Variants in BCR observed in about 807,000 individuals in gnomAD.
BCR encodes the protein breakpoint cluster region protein.
A neutral mutation model predicts 138.6 loss-of-function variants in BCR; 58 were observed. The observed-to-expected ratio is 0.42, with a 90% CI of 0.34 to 0.52. The LOEUF is 0.52. Among genes scored for constraint, BCR ranks in the 20% least tolerant of loss-of-function variants. The pLI, the probability that BCR is intolerant of heterozygous loss-of-function variation, is 0.06. For synonymous variants in BCR, 786 were observed against 730.1 expected (o/e 1.08, Z -1.23); for missense variants, 1,599 against 1,727.2 (o/e 0.93, Z 1.32).
At chr22:23,208,842 G>A (rs7284383) in intron 1 of BCR, among the ~76,000 whole-genome samples, 10,349 of 152,078 alleles carry the variant, frequency 0.068, 1,177 homozygotes, top group African/African-American at 0.23. Flanking sequence ...GCAACAGAGC[G>A]AGACTCCGTC....
Position 23,272,572 on chromosome 22 carries a change from G to A in BCR, c.1922-509G>A, listed in dbSNP as rs6003595. On this transcript the variant is annotated intron_variant, in intron 6 of 22. Coordinates refer to ENST00000305877, the MANE Select transcript of BCR (RefSeq NM_004327.4). Reference sequence around the variant, plus strand: ...GGGCTCATGTGCCTCTGGAGTCCGGGTGTCCTCGGGCAGGTCGCCAGAGAA... The same window carrying A: ...GGGCTCATGTGCCTCTGGAGTCCGGATGTCCTCGGGCAGGTCGCCAGAGAA... 3.8e-3 allele frequency among the ~76,000 whole-genome samples: 580 copies of A among 152,260 alleles called. 7 individuals carry two copies. Among genetic ancestry groups the A allele is most frequent in the African/African-American group, 0.012 (497 of 41,538 alleles).
intron 1 of BCR, among the ~76,000 whole-genome samples, chr22:23,249,307 CT>C (rs1399702505): frequency 6.6e-6 from 1 of 151,996 alleles, no homozygotes; most frequent in Non-Finnish European, 1.5e-5. Flanking sequence ...TGGCGCACGC[CT>C]GTAGTCCCAG....
Position 23,194,567 on chromosome 22 carries a change from C to T in BCR, c.1279+12328C>T, listed in dbSNP as rs1051227766. ...CTGGAACTGCAGGCGCCTGCCACAA[C>T]GCCCAGCTAATTTTTTTTGTATTTT... On this transcript the variant is annotated intron_variant, in intron 1 of 22. Coordinates refer to ENST00000305877, the MANE Select transcript of BCR (RefSeq NM_004327.4). 1.3e-4 allele frequency among the ~76,000 whole-genome samples: 20 copies of T among 152,154 alleles called. No homozygotes were observed. In the East Asian group the frequency reaches 2.3e-3, roughly 18 times the overall value.
At chr22:23,261,649 C>T (rs2073358098) in intron 4 of BCR, 109 bp downstream of exon 4, 158 of 1,212,032 alleles carry the variant, frequency 1.3e-4, no homozygotes, top group Non-Finnish European at 1.8e-4. Context: ...CCAGGCTGGT[C>T]TCAAACTCCT....
intron 4 of BCR, 75 bp from the exon 5 acceptor site, chr22:23,268,333 C>G (rs1323581353): frequency 8.0e-7 from 1 of 1,243,062 alleles, no homozygotes; most frequent in East Asian, 2.6e-5. Context: ...CAGAGCTGTG[C>G]ACGGGAGCCT....
chr22:23,290,438 G>T, intron 14 of BCR, 25 bp downstream of exon 14: 3 of 1,608,882 alleles, frequency 1.9e-6, no homozygotes, highest in Non-Finnish European at 1.7e-6. Context: ...GGGGAGGAGG[G>T]TTGCAGCGGC....
chr22:23,200,797 C>G (rs557789761), intron 1 of BCR, among the ~76,000 whole-genome samples: 2 of 152,152 alleles, frequency 1.3e-5, no homozygotes, highest in African/African-American at 4.8e-5. Flanking sequence ...TGGGCTCAAG[C>G]GATCCACCCG....
At chr22:23,284,976 A>G (rs186595247) in intron 9 of BCR, 57 bp from the exon 10 acceptor site, 3 of 1,564,974 alleles carry the variant, frequency 1.9e-6, no homozygotes, top group African/African-American at 1.3e-5. Context: ...GACAGCAGTG[A>G]CATCAGCCAT....
At position 23,210,389 on chromosome 22, in the gene BCR, C is replaced by G. The variant is rs183851443; in HGVS notation, c.1279+28150C>G. On this transcript the variant is annotated intron_variant, in intron 1 of 22. Coordinates refer to ENST00000305877, the MANE Select transcript of BCR (RefSeq NM_004327.4). ...CCACAATTGTGCCACTGTACTCCAG[C>G]CTGGGTGACAGAGTAAGACCCTGTC... Among the ~76,000 whole-genome samples, 5 of 150,804 alleles carry G rather than the reference C, an allele frequency of 3.3e-5. No individual in the cohort carries two copies. The East Asian group carries it at 9.7e-4, about 29-fold the overall frequency.
chr22:23,202,380 T>C (rs2072562869), intron 1 of BCR, among the ~76,000 whole-genome samples: 1 of 152,238 alleles, frequency 6.6e-6, no homozygotes, highest in East Asian at 1.9e-4. Context: ...ACATAAAATT[T>C]ACCATTTTTA....
chr22:23,218,957 A>G lies in BCR; in HGVS notation c.1280-34842A>G, dbSNP rs1211139334. ...TGCTCAGGGAGGAAGCGGTGTTTACAGAGCGGCCAGCTGGTGCCGGGTGAG... is the reference window on the plus strand; with the variant it reads ...TGCTCAGGGAGGAAGCGGTGTTTACGGAGCGGCCAGCTGGTGCCGGGTGAG... On this transcript the variant is annotated intron_variant, in intron 1 of 22. Coordinates refer to ENST00000305877, the MANE Select transcript of BCR (RefSeq NM_004327.4). Among the ~76,000 whole-genome samples the G allele has an allele frequency of 1.2e-3, 179 of 152,220 alleles. 1 individual carries two copies. Among genetic ancestry groups the G allele is most frequent in the Non-Finnish European group, 1.8e-4 (12 of 68,040 alleles).
chr22:23,211,364 AT>A (rs1380292385), intron 1 of BCR, among the ~76,000 whole-genome samples: 2 of 147,660 alleles, frequency 1.4e-5, no homozygotes, highest in East Asian at 2.0e-4. Context: ...CACCCAGCTA[AT>A]TTTTTTGTAT....
At chr22:23,195,813 G>A (rs149839072) in intron 1 of BCR, among the ~76,000 whole-genome samples, 3 of 152,208 alleles carry the variant, frequency 2.0e-5, no homozygotes, top group African/African-American at 4.8e-5. Flanking sequence ...GCTTGAACCC[G>A]GGAGGCGGAG....
intron 16 of BCR, among the ~76,000 whole-genome samples, chr22:23,305,285 A>G (rs1162247855): frequency 6.6e-6 from 1 of 152,202 alleles, no homozygotes; most frequent in Non-Finnish European, 1.5e-5. Flanking sequence ...GGGCCCAGAC[A>G]GGAACAACTG....
intron 1 of BCR, among the ~76,000 whole-genome samples, chr22:23,243,295 AC>A (rs2073118693): frequency 6.6e-6 from 1 of 151,932 alleles, no homozygotes; most frequent in Non-Finnish European, 1.5e-5. Context: ...CTTTAGCTCC[AC>A]CCCTGAACTC....
At chr22:23,236,255 ACT>A (rs1288737160) in intron 1 of BCR, among the ~76,000 whole-genome samples, 1 of 151,900 alleles carries the variant, frequency 6.6e-6, no homozygotes, top group African/African-American at 2.4e-5. Context: ...GTCTCAGGTG[ACT>A]CTGAGCATCT....
At chr22:23,296,756 A>T (rs1453004794) in intron 16 of BCR, among the ~76,000 whole-genome samples, 1 of 152,250 alleles carries the variant, frequency 6.6e-6, no homozygotes, top group African/African-American at 2.4e-5. Context: ...AGCCTGGGCA[A>T]CATAGACCCC....
At chr22:23,182,387 C>A in intron 1 of BCR, 148 bp downstream of exon 1, 1 of 944,230 alleles carries the variant, frequency 1.1e-6, no homozygotes, top group Non-Finnish European at 1.5e-6. Context: ...GATCCTGCAC[C>A]CGAACAAACT....
intron 16 of BCR, among the ~76,000 whole-genome samples, chr22:23,301,615 C>G (rs1011787463): frequency 1.3e-5 from 2 of 152,252 alleles, no homozygotes; most frequent in Non-Finnish European, 2.9e-5. Context: ...GACCTCACTT[C>G]CCAAGTAACC....
Sources: allele counts gnomAD v4.1 joint callset (sites outside exome capture counted in the v4.1 genomes callset), GRCh38; gene constraint gnomAD v4.1.1; transcripts MANE v1.5; gene names NCBI Gene and HGNC (gene_info 2026-07-23, HGNC 2026-07-21).